ANKFY1: variants seen among roughly 807,000 people sequenced by gnomAD.
ANKFY1 encodes the protein ankyrin repeat and FYVE domain-containing protein 1.
Under a neutral mutation model 128.3 loss-of-function variants are expected in ANKFY1, and 47 were observed. That is an observed-to-expected ratio of 0.37 (90% CI 0.29 to 0.47). The LOEUF is 0.47. Among genes scored for constraint, ANKFY1 ranks in the 20% least tolerant of loss-of-function variants. The pLI is 1.00. For synonymous variants in ANKFY1, 553 were observed against 601.6 expected (o/e 0.92, Z 1.18); for missense variants, 1,222 against 1,510.6 (o/e 0.81, Z 3.17).
rs1467713522 is a variant in ANKFY1, at chr17:4,179,009, C to T, written c.2446G>A (p.Gly816Ser). 30 of 1,614,042 alleles carry T rather than the reference C, an allele frequency of 1.9e-5. No homozygotes were observed. Among genetic ancestry groups the T allele is most frequent in the Non-Finnish European group, 2.5e-5 (29 of 1,180,048 alleles). ...GAAACCAACAGCTGAATGATGACAC[C>T]GTGTTGGCTGCTGATGGCCACGTGG... ...PIHVAISSQH[G>S]VIIQLLVSHP... Residue 816 changes from glycine (G) to serine (S), a missense_variant, in exon 18 of 25, where the codon GGT (glycine) becomes AGT (serine). Transcript: ENST00000341657.
intron 2 of ANKFY1, among the ~76,000 whole-genome samples, chr17:4,236,148 T>C (rs1467951804): frequency 6.6e-6 from 1 of 152,240 alleles, no homozygotes; most frequent in African/African-American, 2.4e-5. Flanking sequence ...CATCTTCTCA[T>C]GGGATTCTTA....
intron 3 of ANKFY1, among the ~76,000 whole-genome samples, chr17:4,233,653 G>A (rs555543477): frequency 3.9e-5 from 6 of 152,258 alleles, no homozygotes; most frequent in African/African-American, 1.4e-4. Context: ...CACTACTCAG[G>A]TATTAGCCAC....
chr17:4,254,638 C>T (rs1411322012), intron 1 of ANKFY1, among the ~76,000 whole-genome samples: 2 of 152,184 alleles, frequency 1.3e-5, no homozygotes, highest in Non-Finnish European at 2.9e-5. Context: ...AAATCTGTTA[C>T]AGCAGCCACA....
chr17:4,194,084 G>T (rs1293407570), intron 10 of ANKFY1, among the ~76,000 whole-genome samples: 1 of 78,522 alleles, frequency 1.3e-5, no homozygotes, highest in East Asian at 3.7e-4. Flanking sequence ...ACCACGCCCG[G>T]CCATATATAT....
chr17:4,176,814 A>G (rs1199944093), intron 19 of ANKFY1, among the ~76,000 whole-genome samples: 1 of 152,254 alleles, frequency 6.6e-6, no homozygotes, highest in Non-Finnish European at 1.5e-5. Flanking sequence ...AGCTCACTTC[A>G]AAGTCCCAGT....
At chr17:4,237,572 C>T (rs967120770) in intron 2 of ANKFY1, among the ~76,000 whole-genome samples, 2 of 152,116 alleles carry the variant, frequency 1.3e-5, no homozygotes, top group African/African-American at 2.4e-5. Context: ...GTTTCAACCA[C>T]GAGTATAACT....
intron 1 of ANKFY1, among the ~76,000 whole-genome samples, chr17:4,247,418 G>A (rs1467663019): frequency 1.3e-5 from 2 of 152,166 alleles, no homozygotes; most frequent in African/African-American, 4.8e-5. Flanking sequence ...CTAGATAAAA[G>A]GAGGGCTTTA....
At chr17:4,232,617 C>T (rs994450096) in intron 3 of ANKFY1, among the ~76,000 whole-genome samples, 13 of 152,178 alleles carry the variant, frequency 8.5e-5, no homozygotes, top group African/African-American at 3.1e-4. Context: ...TTATTTACAA[C>T]TGGAGGAGAG....
intron 3 of ANKFY1, among the ~76,000 whole-genome samples, chr17:4,232,115 GATTA>G (rs1282217585): frequency 1.3e-5 from 2 of 151,976 alleles, no homozygotes; most frequent in Non-Finnish European, 2.9e-5. Context: ...TATATGAATG[GATTA>G]ATGTTGAAAA....
chr17:4,208,750 A>G (rs1309418195), intron 5 of ANKFY1, among the ~76,000 whole-genome samples: 1 of 151,936 alleles, frequency 6.6e-6, no homozygotes, highest in Non-Finnish European at 1.5e-5. Flanking sequence ...AACTGCAAAC[A>G]ACAACAACAA....
intron 3 of ANKFY1, among the ~76,000 whole-genome samples, chr17:4,221,750 T>C (rs970169724): frequency 1.3e-5 from 2 of 152,120 alleles, no homozygotes; most frequent in African/African-American, 4.8e-5. Flanking sequence ...CCCAAGTAGC[T>C]GAGACTACAG....
chr17:4,226,537 AG>A (rs1395961957), intron 3 of ANKFY1, among the ~76,000 whole-genome samples: 10 of 152,282 alleles, frequency 6.6e-5, no homozygotes, highest in African/African-American at 2.2e-4. Context: ...AGAAAAAAGG[AG>A]AACGGGAGAG....
At chr17:4,258,027 C>T (rs1968212115) in intron 1 of ANKFY1, among the ~76,000 whole-genome samples, 1 of 152,172 alleles carries the variant, frequency 6.6e-6, no homozygotes, top group African/African-American at 2.4e-5. Context: ...TTGACATAAC[C>T]ACTAATGGAT....
chr17:4,179,146 A>C (rs982202783), intron 17 of ANKFY1, 89 bp from the exon 18 acceptor site: 33 of 1,416,228 alleles, frequency 2.3e-5, no homozygotes, highest in Middle Eastern at 1.8e-4. Context: ...ATCAAATTTC[A>C]GTTATGAGAA....
At chr17:4,238,411 C>T (rs1216220033) in intron 2 of ANKFY1, among the ~76,000 whole-genome samples, 1 of 152,006 alleles carries the variant, frequency 6.6e-6, no homozygotes, top group East Asian at 1.9e-4. Flanking sequence ...GACTCCATTC[C>T]CTATCTGATA....
intron 1 of ANKFY1, among the ~76,000 whole-genome samples, chr17:4,251,536 A>T (rs752787079): frequency 3.1e-4 from 20 of 64,404 alleles, no homozygotes; most frequent in East Asian, 2.9e-3. Context: ...AATAAAAATT[A>T]AAAAAAAAAA....
At chr17:4,248,422 C>A (rs1327840521) in intron 1 of ANKFY1, among the ~76,000 whole-genome samples, 3 of 152,246 alleles carry the variant, frequency 2.0e-5, no homozygotes, top group African/African-American at 7.2e-5. Flanking sequence ...ACTCCCTTCC[C>A]TACCCCATCT....
chr17:4,169,090 A>G lies in ANKFY1; in HGVS notation c.3377+108T>C. On this transcript the variant is annotated intron_variant, in intron 24 of 24. Coordinates refer to ENST00000341657, the MANE Select transcript of ANKFY1 (RefSeq NM_001330063.2). This position sits in a 1 kb window ranked among gnomAD's most constrained non-coding sequence, Gnocchi z 5.0. ...CCCTCCATTTGGTCAAGGTTTGCCCATCAATGTGCAGGACCCAGGCAAGTT... is the reference window on the plus strand; with the variant it reads ...CCCTCCATTTGGTCAAGGTTTGCCCGTCAATGTGCAGGACCCAGGCAAGTT... 1 of 1,013,002 alleles carries G rather than the reference A, an allele frequency of 9.9e-7. No individual in the cohort carries two copies. The allele number at this position is 1,013,002 out of a possible 1,614,324, so 62.8% of individuals were successfully genotyped here. A position where few individuals can be genotyped will look rare whatever the true frequency, so the allele number is the denominator to read the frequency against.
At chr17:4,258,461 T>C (rs1294142464) in intron 1 of ANKFY1, among the ~76,000 whole-genome samples, 1 of 151,074 alleles carries the variant, frequency 6.6e-6, no homozygotes, top group Non-Finnish European at 1.5e-5. Context: ...GGAGGGGAGC[T>C]TGCAGTGAGC....
Sources: allele counts gnomAD v4.1 joint callset (sites outside exome capture counted in the v4.1 genomes callset), GRCh38; gene constraint gnomAD v4.1.1; non-coding constraint Gnocchi (gnomAD v3.1); transcripts MANE v1.5; gene names NCBI Gene and HGNC (gene_info 2026-07-23, HGNC 2026-07-21).